TASOR: variants seen among roughly 807,000 people sequenced by gnomAD.
TASOR encodes transcription activation suppressor, also known as protein TASOR.
In TASOR, 53 loss-of-function variants were observed where a neutral mutation model predicts 178.6. That is an observed-to-expected ratio of 0.30 (90% CI 0.24 to 0.37). The LOEUF (loss-of-function observed/expected upper bound fraction) is 0.37. Ranked by LOEUF, TASOR falls within the 10% of genes least tolerant of loss-of-function variation. The pLI, the probability that TASOR is intolerant of heterozygous loss-of-function variation, is 1.00. For synonymous variants in TASOR, 713 were observed against 696.2 expected, an observed-to-expected ratio of 1.02 and a Z score of -0.38; for missense variants, 1,815 against 1,971.4, an observed-to-expected ratio of 0.92 and a Z score of 1.50.
rs113207211 is a variant in TASOR, at chr3:56,649,109, A to G, written c.1369-52T>C. Reference sequence around the variant, plus strand: ...TGTATCTGCTTTATTATTATTCACCATAAGGCAGACACACAGCATTTTCTA... The same window carrying G: ...TGTATCTGCTTTATTATTATTCACCGTAAGGCAGACACACAGCATTTTCTA... On this transcript the variant is annotated intron_variant, in intron 11 of 23. Coordinates refer to ENST00000683822, the MANE Select transcript of TASOR (RefSeq NM_001365635.2). 9.4e-5 allele frequency: 130 copies of G among 1,378,964 alleles called. 2 individuals carry two copies. The highest frequency in any genetic ancestry group is 9.3e-4 in the Middle Eastern group (5 of 5,400). 85.4% of individuals were successfully genotyped at this position (1,378,964 alleles called of 1,614,324 possible).
intron 7 of TASOR, among the ~76,000 whole-genome samples, chr3:56,665,898 G>A (rs1464235568): frequency 6.6e-6 from 1 of 152,132 alleles, no homozygotes; most frequent in Non-Finnish European, 1.5e-5. Context: ...GAACCCGGGA[G>A]GCGGAGCTTG....
At position 56,641,441 on chromosome 3, in the gene TASOR, T is replaced by A; in HGVS notation, c.2527A>T (p.Ser843Cys). 6.2e-7 allele frequency: 1 copy of A among 1,609,870 alleles called. No homozygotes were observed. The highest frequency in any genetic ancestry group is 8.5e-7 in the Non-Finnish European group (1 of 1,176,240). Reference sequence around the variant, plus strand: ...GTTGCATCAACTTCTAGTAATAAGCTCTGAGTACCCTTAAACTGTGCATTT... The same window carrying A: ...GTTGCATCAACTTCTAGTAATAAGCACTGAGTACCCTTAAACTGTGCATTT... ...VENAQFKGTQ[S>C]LLLEVDATSK... Residue 843 changes from serine to cysteine, a missense_variant, in exon 15 of 24, where the codon AGC (serine) becomes TGC (cysteine). By Grantham distance (112) the Ser-to-Cys change is moderately radical. This residue lies in a region of TASOR where 655 missense variants were observed against 671.1 expected (regional missense o/e 0.98). Transcript: ENST00000683822.
At chr3:56,641,152 G>A (rs2077115447) in intron 15 of TASOR, among the ~76,000 whole-genome samples, 197 bp downstream of exon 15, 1 of 151,162 alleles carries the variant, frequency 6.6e-6, no homozygotes, top group Non-Finnish European at 1.5e-5. Context: ...TTCTAAGAAG[G>A]AAGGAAAACT....
intron 8 of TASOR, among the ~76,000 whole-genome samples, chr3:56,663,274 T>G (rs1019713374): frequency 1.6e-4 from 24 of 152,228 alleles, no homozygotes; most frequent in Non-Finnish European, 2.6e-4. Context: ...CTCTGGTGAA[T>G]TTAATACTTT....
intron 1 of TASOR, among the ~76,000 whole-genome samples, chr3:56,674,816 T>C (rs1455654252): frequency 2.0e-5 from 3 of 152,162 alleles, no homozygotes; most frequent in Non-Finnish European, 4.4e-5. Flanking sequence ...ATCTGACGCA[T>C]AGTAGGACAT....
At position 56,667,970 on chromosome 3, in the gene TASOR, C is replaced by G. The variant is rs567978439; in HGVS notation, c.897+427G>C. Among the ~76,000 whole-genome samples the G allele has an allele frequency of 3.9e-5, 6 of 152,220 alleles. No homozygotes were observed. The East Asian group carries it at 1.2e-3, about 29-fold the overall frequency. ...TAAAGATAGAAAATACCTATCAAATCAATAGTATAAAATGTTATGCATTAA... is the reference window on the plus strand; with the variant it reads ...TAAAGATAGAAAATACCTATCAAATGAATAGTATAAAATGTTATGCATTAA... On this transcript the variant is annotated intron_variant, in intron 6 of 23. Transcript: ENST00000683822.
At chr3:56,636,046 G>A (rs929178389) in intron 17 of TASOR, among the ~76,000 whole-genome samples, 3 of 152,138 alleles carry the variant, frequency 2.0e-5, no homozygotes, top group Non-Finnish European at 1.5e-5. Context: ...GCTCATGCCT[G>A]TAATCCCAGC....
intron 18 of TASOR, among the ~76,000 whole-genome samples, chr3:56,630,388 A>G (rs543805644): frequency 1.3e-5 from 2 of 152,350 alleles, no homozygotes; most frequent in African/African-American, 2.4e-5. Context: ...AATATTTCCA[A>G]TGGATACTGA....
intron 14 of TASOR, among the ~76,000 whole-genome samples, chr3:56,646,084 C>T (rs2077231763): frequency 6.6e-6 from 1 of 151,984 alleles, no homozygotes; most frequent in Admixed American, 6.6e-5. Flanking sequence ...GGAGGTGGAG[C>T]TTGCAGTGAG....
intron 14 of TASOR, among the ~76,000 whole-genome samples, chr3:56,643,203 C>A (rs1211354490): frequency 6.6e-6 from 1 of 150,912 alleles, no homozygotes; most frequent in Non-Finnish European, 1.5e-5. Context: ...GCAGAGGTTG[C>A]AATGAGCCGA....
intron 17 of TASOR, among the ~76,000 whole-genome samples, chr3:56,636,111 C>T (rs2077010410): frequency 6.6e-6 from 1 of 151,880 alleles, no homozygotes. Context: ...CGAGACCAGC[C>T]TGGCCAACAT....
At chr3:56,673,357 G>C (rs1237387955) in intron 2 of TASOR, among the ~76,000 whole-genome samples, 1 of 148,108 alleles carries the variant, frequency 6.8e-6, no homozygotes, top group African/African-American at 2.5e-5. Flanking sequence ...GCTTGAACCA[G>C]GGAGGCAGAG....
chr3:56,640,653 A>C (rs2077101879), intron 15 of TASOR, among the ~76,000 whole-genome samples: 1 of 152,130 alleles, frequency 6.6e-6, no homozygotes, highest in Admixed American at 6.6e-5. Context: ...AAGAATGGGG[A>C]CATGCATACA....
rs538831028 is a variant in TASOR at position 56,647,089 on chromosome 3, A to C, written c.1648T>G (p.Phe550Val). Residue 550 changes from phenylalanine to valine, a missense_variant, in exon 14 of 24, where the codon TTT becomes GTT. By Grantham distance (50) the Phe-to-Val change is conservative. Transcript: ENST00000683822. Reference protein sequence around the residue: ...KEFKNISAINFHSVVEKYVSE... With the variant: ...KEFKNISAINVHSVVEKYVSE... ...ACATACTTTTCAACAACAGAATGAA[A>C]ATTTATGGCGCTTATATTTTTGAAT... The C allele has an allele frequency of 1.2e-6, 2 of 1,605,950 alleles. No individual in the cohort carries two copies. Among genetic ancestry groups the C allele is most frequent in the African/African-American group, 1.3e-5 (1 of 74,458 alleles).
chr3:56,633,265 G>T lies in TASOR; in HGVS notation c.3526C>A (p.His1176Asn). The T allele has an allele frequency of 6.2e-7, 1 of 1,614,154 alleles. No homozygotes were observed. The highest frequency in any genetic ancestry group is 8.5e-7 in the Non-Finnish European group (1 of 1,180,020). The part of the protein sequence containing the change: ...HATELMVTSD[H>N]IVPGDMAREP... Reference sequence around the variant, plus strand: ...CGGGCCATATCACCAGGTACAATATGATCAGAAGTCACCATTAACTCTGTG... The same window carrying T: ...CGGGCCATATCACCAGGTACAATATTATCAGAAGTCACCATTAACTCTGTG... Residue 1176 changes from histidine to asparagine, a missense_variant, in exon 18 of 24, where the codon CAT becomes AAT. By Grantham distance (68) the His-to-Asn change is moderately conservative. Around this residue, in one of 5 missense-constraint regions of TASOR, gnomAD observed 655 missense variants for 671.1 expected, o/e 0.98. Coordinates refer to ENST00000683822, the MANE Select transcript of TASOR (RefSeq NM_001365635.2).
intron 23 of TASOR, 83 bp from the exon 24 acceptor site, chr3:56,623,649 A>G (rs937111681): frequency 1.2e-5 from 19 of 1,543,462 alleles, no homozygotes; most frequent in Non-Finnish European, 1.5e-5. Flanking sequence ...CTCACACAAT[A>G]TAACGCGTCA....
intron 1 of TASOR, among the ~76,000 whole-genome samples, chr3:56,674,047 A>C (rs2107635538): frequency 6.6e-6 from 1 of 152,172 alleles, no homozygotes; most frequent in Non-Finnish European, 1.5e-5. Context: ...CTGTGTTTAT[A>C]CTCAACTTAG....
intron 11 of TASOR, among the ~76,000 whole-genome samples, chr3:56,658,194 C>T (rs952811035): frequency 6.6e-6 from 1 of 152,326 alleles, no homozygotes; most frequent in African/African-American, 2.4e-5. Flanking sequence ...TTCCTAGGTA[C>T]ATTAGATTCT....
At chr3:56,673,537 G>A in intron 2 of TASOR, 43 bp downstream of exon 2, 1 of 1,410,396 alleles carries the variant, frequency 7.1e-7, no homozygotes, top group East Asian at 2.8e-5. Flanking sequence ...GCTGTTAACT[G>A]GTTCTGAAAA....
Sources: gnomAD v4.1 joint callset for allele counts (sites outside exome capture counted in the v4.1 genomes callset) on GRCh38, gnomAD v4.1.1 for gene constraint, gnomAD v4.1.1 regional missense constraint, MANE v1.5 for transcripts, NCBI Gene and HGNC (gene_info 2026-07-23, HGNC 2026-07-21) for gene names.